Variants in R3HDM1 observed in about 807,000 individuals in gnomAD.
R3HDM1 encodes the protein R3H domain containing 1, also known as R3H domain-containing protein 1.
R3HDM1 carries 46 observed loss-of-function variants against 141.1 expected under a neutral mutation model. The ratio of observed to expected loss-of-function variants is 0.33; its 90% CI spans 0.26 to 0.42. The LOEUF is 0.42. Among genes scored for constraint, R3HDM1 ranks in the 10% least tolerant of loss-of-function variants. The pLI, the probability that R3HDM1 is intolerant of heterozygous loss-of-function variation, is 1.00. For synonymous variants in R3HDM1, 435 were observed against 472.9 expected (o/e 0.92, Z 1.04); for missense variants, 1,184 against 1,368.3 (o/e 0.87, Z 2.12).
chr2:135,586,582 C>T, intron 1 of R3HDM1: 1 of 446,602 alleles, frequency 2.2e-6, no homozygotes, highest in Non-Finnish European at 3.0e-6. Context: ...TCACTTAGTA[C>T]CATAATTTTT....
chr2:135,698,534 GTTA>G (rs2105399835), intron 21 of R3HDM1, among the ~76,000 whole-genome samples: 1 of 152,210 alleles, frequency 6.6e-6, no homozygotes, highest in East Asian at 1.9e-4. Context: ...TAATTATTTT[GTTA>G]TTATACTTAA....
intron 7 of R3HDM1, among the ~76,000 whole-genome samples, chr2:135,630,144 G>A: frequency 6.6e-6 from 1 of 151,328 alleles, no homozygotes; most frequent in Non-Finnish European, 1.5e-5. Flanking sequence ...TGGCGTGGTG[G>A]TGCATGCCTG....
chr2:135,665,651 G>C (rs904168777), intron 19 of R3HDM1, among the ~76,000 whole-genome samples: 1 of 152,194 alleles, frequency 6.6e-6, no homozygotes, highest in South Asian at 2.1e-4. Context: ...TAATTTACCT[G>C]TTAAAAATTT....
intron 1 of R3HDM1, among the ~76,000 whole-genome samples, chr2:135,546,776 A>G (rs1306294423): frequency 6.6e-6 from 1 of 152,164 alleles, no homozygotes; most frequent in African/African-American, 2.4e-5. Context: ...GATTCAGGAC[A>G]TTCTCCTGCC....
At chr2:135,620,443 G>A (rs2061424519) in intron 5 of R3HDM1, 1 of 929,078 alleles carries the variant, frequency 1.1e-6, no homozygotes, top group Non-Finnish European at 1.3e-6. Context: ...AAGACAGAGA[G>A]TGCAAAAAGC....
chr2:135,600,103 A>ATTTTTT (rs1047714227), intron 1 of R3HDM1, among the ~76,000 whole-genome samples: 50 of 93,524 alleles, frequency 5.3e-4, no homozygotes, highest in Non-Finnish European at 6.7e-4. Context: ...AGTTCGTATG[A>ATTTTTT]TTTTTTTTTT....
intron 1 of R3HDM1, among the ~76,000 whole-genome samples, chr2:135,549,235 G>A (rs1376923192): frequency 6.6e-6 from 1 of 151,964 alleles, no homozygotes; most frequent in Non-Finnish European, 1.5e-5. Flanking sequence ...GTATGGTTTG[G>A]TTTTGTTTTG....
At chr2:135,556,173 T>C (rs1475368031) in intron 1 of R3HDM1, among the ~76,000 whole-genome samples, 1 of 152,142 alleles carries the variant, frequency 6.6e-6, no homozygotes, top group African/African-American at 2.4e-5. Context: ...TAGGCAAATC[T>C]ATAGAGACAC....
intron 15 of R3HDM1, among the ~76,000 whole-genome samples, chr2:135,642,769 T>C (rs562845611): frequency 6.6e-6 from 1 of 152,302 alleles, no homozygotes; most frequent in East Asian, 1.9e-4. Flanking sequence ...AGAAAAATCA[T>C]GGCTTGGGAC....
At position 135,651,403 on chromosome 2, in the gene R3HDM1, A is replaced by G. The variant is rs891867348; in HGVS notation, c.1726-327A>G. On this transcript the variant is annotated intron_variant, in intron 17 of 26. Transcript: ENST00000683871. ...TAATTGTATAATATGAACTTGGCCA[A>G]TTTCACTTCTACATTCTAATGTTGC... The G allele has an allele frequency of 1.6e-5, 16 of 981,634 alleles. 1 individual carries two copies. In the South Asian group the frequency reaches 3.3e-4, roughly 20 times the overall value. The allele number at this position is 981,634 out of a possible 1,614,324, so 60.8% of individuals were successfully genotyped here.
At position 135,710,108 on chromosome 2, in the gene R3HDM1, T is replaced by A; in HGVS notation, c.2613T>A (p.Ser871Arg). The A allele has an allele frequency of 6.2e-7, 1 of 1,614,144 alleles. No individual in the cohort carries two copies. Among genetic ancestry groups the A allele is most frequent in the Non-Finnish European group, 8.5e-7 (1 of 1,180,014 alleles). ...GGGGGATGGTGATGATGCAGCTCAG[T>A]GTACCAAACAATCCACAATCTTGTG... ...PGGGMVMMQL[S>R]VPNNPQSCAH... Residue 871 changes from serine (S) to arginine (R), a missense_variant, in exon 23 of 27, where the codon AGT (serine) becomes AGA (arginine). Ser to Arg is a moderately radical substitution (Grantham distance 110, BLOSUM62 -1). Coordinates refer to ENST00000683871, the MANE Select transcript of R3HDM1 (RefSeq NM_001378107.1).
chr2:135,720,885 T>A (rs2076636734), intron 24 of R3HDM1, among the ~76,000 whole-genome samples: 1 of 152,234 alleles, frequency 6.6e-6, no homozygotes, highest in African/African-American at 2.4e-5. Flanking sequence ...TCTTCCTTCC[T>A]CTGAAAGGTA....
Position 135,641,614 on chromosome 2 carries a change from T to C in R3HDM1, c.1298T>C (p.Leu433Pro). 2.5e-6 allele frequency: 4 copies of C among 1,614,214 alleles called. No homozygotes were observed. Among genetic ancestry groups the C allele is most frequent in the Non-Finnish European group, 3.4e-6 (4 of 1,180,040 alleles). Residue 433 changes from leucine to proline, a missense_variant, in exon 15 of 27, where the codon CTC becomes CCC. This residue lies in a region of R3HDM1 where 240 missense variants were observed against 312.3 expected (regional missense o/e 0.77). Transcript: ENST00000683871. The part of the protein sequence containing the change: ...HIQQPLPGTA[L>P]SQSSHGAPVV... ...CAGCAGCCTCTTCCAGGTACAGCTC[T>C]CAGCCAGTCTTCTCATGGCGCACCT...
chr2:135,686,838 A>G (rs965220755), intron 21 of R3HDM1, among the ~76,000 whole-genome samples: 5 of 152,230 alleles, frequency 3.3e-5, no homozygotes, highest in Non-Finnish European at 7.3e-5. Flanking sequence ...CCTTGAGGAC[A>G]TTATGTTGAG....
At chr2:135,710,007 C>T (rs2075433592) in intron 22 of R3HDM1, 52 bp from the exon 23 acceptor site, 1 of 1,529,196 alleles carries the variant, frequency 6.5e-7, no homozygotes, top group Non-Finnish European at 8.9e-7. Context: ...TCAGAAACAC[C>T]AACTAGTTGC....
chr2:135,673,786 G>T (rs1440920257), intron 19 of R3HDM1, among the ~76,000 whole-genome samples: 2 of 152,134 alleles, frequency 1.3e-5, no homozygotes, highest in African/African-American at 4.8e-5. Flanking sequence ...ACTGTTAAGG[G>T]ATTCACTATA....
rs537378792 is a variant in R3HDM1, at chr2:135,555,006, T to C, written c.-250+23373T>C. Reference sequence around the variant, plus strand: ...CCTGCTGTGACATACAGTAGTAAACTTAAAAGTAAAATAAGTCGGGCGTGG... The same window carrying C: ...CCTGCTGTGACATACAGTAGTAAACCTAAAAGTAAAATAAGTCGGGCGTGG... On this transcript the variant is annotated intron_variant, in intron 1 of 26. Transcript: ENST00000683871. Among the ~76,000 whole-genome samples, 16 of 152,104 alleles carry C rather than the reference T, an allele frequency of 1.1e-4. No homozygotes were observed. In the South Asian group the frequency reaches 2.7e-3, roughly 26 times the overall value.
At chr2:135,627,825 G>T (rs1032750525) in intron 7 of R3HDM1, among the ~76,000 whole-genome samples, 2 of 152,008 alleles carry the variant, frequency 1.3e-5, no homozygotes, top group Non-Finnish European at 2.9e-5. Context: ...ATGAAACATT[G>T]GGTGGAGGGT....
At chr2:135,543,891 G>C (rs1698137824) in intron 1 of R3HDM1, among the ~76,000 whole-genome samples, 1 of 152,184 alleles carries the variant, frequency 6.6e-6, no homozygotes, top group Non-Finnish European at 1.5e-5. Flanking sequence ...TGGTGACCCT[G>C]CAGTGGTCCT....
Sources: allele counts gnomAD v4.1 joint callset (sites outside exome capture counted in the v4.1 genomes callset), GRCh38; gene constraint gnomAD v4.1.1; regional missense constraint gnomAD v4.1.1; transcripts MANE v1.5; gene names NCBI Gene and HGNC (gene_info 2026-07-23, HGNC 2026-07-21).